Variants in GRIN2B observed in about 807,000 individuals in gnomAD.
The protein encoded by GRIN2B is glutamate ionotropic receptor NMDA type subunit 2B.
GRIN2B carries 5 observed loss-of-function variants against 114.5 expected under a neutral mutation model. The observed-to-expected ratio is 0.04, with a 90% CI of 0.02 to 0.09. GRIN2B has a LOEUF of 0.09. Ranked by LOEUF, GRIN2B falls within the 10% of genes least tolerant of loss-of-function variation. The probability of loss-of-function intolerance (pLI) is 1.00; values close to 1 mark genes in which losing one functional copy is unlikely to be tolerated. For synonymous variants in GRIN2B, 787 were observed against 745.1 expected (o/e 1.06, Z -0.92); for missense variants, 1,108 against 1,943.5 (o/e 0.57, Z 8.08).
intron 5 of GRIN2B, among the ~76,000 whole-genome samples, chr12:13,635,426 A>G (rs1949658440): frequency 6.6e-6 from 1 of 152,154 alleles, no homozygotes; most frequent in Non-Finnish European, 1.5e-5. Flanking sequence ...TTTCCCAGAC[A>G]CCATGTTACT....
At chr12:13,693,325 T>C (rs1049226388) in intron 4 of GRIN2B, among the ~76,000 whole-genome samples, 7 of 152,194 alleles carry the variant, frequency 4.6e-5, no homozygotes, top group Non-Finnish European at 1.0e-4. Context: ...CATTTAAAAT[T>C]ACCCAGCAAA....
rs1591749590 is a variant in GRIN2B, at chr12:13,818,687, A to G, written c.411+47111T>C. Among the ~76,000 whole-genome samples the G allele has an allele frequency of 3.9e-5, 6 of 152,374 alleles. No homozygotes were observed. In the South Asian group the frequency reaches 1.2e-3, roughly 32 times the overall value. On this transcript the variant is annotated intron_variant, in intron 3 of 13. Coordinates refer to ENST00000609686, the MANE Select transcript of GRIN2B (RefSeq NM_000834.5). ...TAGAAAGTAGTTTTAAGAAGAGAACATCCATTCTCTTAAGATTACTAGCCC... is the reference window on the plus strand; with the variant it reads ...TAGAAAGTAGTTTTAAGAAGAGAACGTCCATTCTCTTAAGATTACTAGCCC...
intron 5 of GRIN2B, among the ~76,000 whole-genome samples, chr12:13,664,267 G>A (rs1163907843): frequency 1.3e-5 from 2 of 152,068 alleles, no homozygotes; most frequent in African/African-American, 4.8e-5. Flanking sequence ...GGTGAGGAGG[G>A]AAAAGGAAGG....
At chr12:13,862,786 T>C (rs970071611) in intron 3 of GRIN2B, among the ~76,000 whole-genome samples, 1 of 152,168 alleles carries the variant, frequency 6.6e-6, no homozygotes, top group Non-Finnish European at 1.5e-5. Context: ...TTTATGCAAA[T>C]CTGTTAAGCC....
rs933617859 is a variant in GRIN2B at position 13,546,648 on chromosome 12, C to T, written c.*16135G>A. ...ACCTTCTGTTTCTCATTCCAATAGA[C>T]ACACAATATTAATGGTTAAAAATAA... On this transcript the variant is annotated 3_prime_UTR_variant, in exon 14 of 14. Coordinates refer to ENST00000609686, the MANE Select transcript of GRIN2B (RefSeq NM_000834.5). 1.3e-5 allele frequency: 2 copies of T among 152,086 alleles called. No homozygotes were observed. The highest frequency in any genetic ancestry group is 3.9e-4 in the East Asian group (2 of 5,192). 9.4% of individuals were successfully genotyped at this position (152,086 alleles called of 1,614,324 possible). A position where few individuals can be genotyped will look rare whatever the true frequency, so the allele number is the denominator to read the frequency against.
intron 2 of GRIN2B, among the ~76,000 whole-genome samples, chr12:13,876,452 C>T (rs1865992642): frequency 6.6e-6 from 1 of 152,190 alleles, no homozygotes; most frequent in African/African-American, 2.4e-5. Flanking sequence ...TGCCCTCCCA[C>T]CTCCTTCCCT....
At chr12:13,825,399 C>T (rs1229046920) in intron 3 of GRIN2B, among the ~76,000 whole-genome samples, 2 of 150,104 alleles carry the variant, frequency 1.3e-5, no homozygotes, top group Admixed American at 1.3e-4. Flanking sequence ...TATATTCTCT[C>T]TCCTGTTGTT....
chr12:13,647,949 G>A (rs767763368), intron 5 of GRIN2B, among the ~76,000 whole-genome samples: 3 of 152,204 alleles, frequency 2.0e-5, no homozygotes, highest in East Asian at 1.9e-4. Context: ...TGAGCTTGAC[G>A]AGTCAGAGAG....
intron 3 of GRIN2B, among the ~76,000 whole-genome samples, chr12:13,763,240 C>T (rs1863714682): frequency 6.6e-6 from 1 of 152,138 alleles, no homozygotes; most frequent in South Asian, 2.1e-4. Context: ...CAGGATAGGC[C>T]AAGTACTGTC....
rs200724001 is a variant in GRIN2B, at chr12:13,564,413, G to A, written c.2825C>T (p.Thr942Met). ...YDISEHRRSF[T>M]HSDCKSYNNP... ...GTTGTAGGATTTGCAGTCAGAATGC[G>A]TGAAGCTGCGGCGGTGCTCTGAGAT... Residue 942 changes from threonine (T) to methionine (M), a missense_variant, in exon 14 of 14, where the codon ACG (threonine) becomes ATG (methionine). This residue lies in a region of GRIN2B where 140 missense variants were observed against 187.5 expected (regional missense o/e 0.75). Coordinates refer to ENST00000609686, the MANE Select transcript of GRIN2B (RefSeq NM_000834.5). This position sits in a 1 kb window ranked among gnomAD's most constrained non-coding sequence, Gnocchi z 4.8. 8.1e-6 allele frequency: 13 copies of A among 1,614,248 alleles called. No individual in the cohort carries two copies. The highest frequency in any genetic ancestry group is 1.0e-5 in the Non-Finnish European group (12 of 1,180,044).
intron 2 of GRIN2B, among the ~76,000 whole-genome samples, chr12:13,922,000 C>T (rs1361210135): frequency 6.6e-6 from 1 of 152,158 alleles, no homozygotes; most frequent in African/African-American, 2.4e-5. Flanking sequence ...GGTTCTGTAT[C>T]AGGAAAATGA....
chr12:13,973,540 A>G (rs1247528384), intron 2 of GRIN2B, among the ~76,000 whole-genome samples: 2 of 152,160 alleles, frequency 1.3e-5, no homozygotes, highest in Admixed American at 6.6e-5. Flanking sequence ...TGCCATTCAC[A>G]GAGAGCTGGC....
At chr12:13,619,637 C>T (rs577602164) in intron 5 of GRIN2B, among the ~76,000 whole-genome samples, 1 of 152,342 alleles carries the variant, frequency 6.6e-6, no homozygotes, top group East Asian at 1.9e-4. Flanking sequence ...CTGTGCCAGG[C>T]ACTGGGCTAT....
chr12:13,738,712 C>T (rs1174566276), intron 4 of GRIN2B, among the ~76,000 whole-genome samples: 4 of 151,994 alleles, frequency 2.6e-5, no homozygotes, highest in Non-Finnish European at 4.4e-5. Flanking sequence ...TTGCATTTTA[C>T]CCTATTCTGA....
intron 3 of GRIN2B, among the ~76,000 whole-genome samples, chr12:13,765,919 C>A (rs1258513175): frequency 6.6e-6 from 1 of 152,116 alleles, no homozygotes; most frequent in Non-Finnish European, 1.5e-5. Context: ...GTCTATACAT[C>A]CTTGTTTCTT....
chr12:13,981,550 C>G lies in GRIN2B; in HGVS notation c.-656G>C, dbSNP rs1270169051. The G allele has an allele frequency of 6.6e-6, 1 of 151,366 alleles. No individual in the cohort carries two copies. Among genetic ancestry groups the G allele is most frequent in the African/African-American group, 2.4e-5 (1 of 41,106 alleles). 9.4% of individuals were successfully genotyped at this position (151,366 alleles called of 1,614,324 possible). On this transcript the variant is annotated 5_prime_UTR_variant, in exon 1 of 14. Transcript: ENST00000609686. ...TCAAGAATCACCCTTGACGAGCACT[C>G]TCGATAGAGCGAAGCCCCGAGATTT...
chr12:13,635,703 T>C (rs1038313432), intron 5 of GRIN2B, among the ~76,000 whole-genome samples: 2 of 152,212 alleles, frequency 1.3e-5, no homozygotes, highest in Non-Finnish European at 2.9e-5. Context: ...GGCATTCTGT[T>C]TCATTTAGGC....
At chr12:13,608,899 T>C in intron 9 of GRIN2B, 67 bp from the exon 10 acceptor site, 1 of 1,109,090 alleles carries the variant, frequency 9.0e-7, no homozygotes, top group Non-Finnish European at 1.4e-6. Context: ...AACCTACAAA[T>C]ACACAGGGTG....
At chr12:13,674,768 G>A (rs914549347) in intron 5 of GRIN2B, among the ~76,000 whole-genome samples, 21 of 151,990 alleles carry the variant, frequency 1.4e-4, no homozygotes, top group Non-Finnish European at 2.5e-4. Flanking sequence ...ATGAACAAAG[G>A]GGTCTCAAGG....
Sources: allele counts gnomAD v4.1 joint callset (sites outside exome capture counted in the v4.1 genomes callset), GRCh38; gene constraint gnomAD v4.1.1; regional missense constraint gnomAD v4.1.1; non-coding constraint Gnocchi (gnomAD v3.1); transcripts MANE v1.5; gene names NCBI Gene and HGNC (gene_info 2026-07-23, HGNC 2026-07-21).